The following GALNT7 variants were observed in gnomAD, a reference collection of about 807,000 sequenced individuals.
GALNT7 encodes N-acetylgalactosaminyltransferase 7.
Under a neutral mutation model 82.1 loss-of-function variants are expected in GALNT7, and 60 were observed. The observed-to-expected ratio is 0.73, with a 90% CI of 0.59 to 0.91. GALNT7 has a LOEUF of 0.91. GALNT7 is among the 40% of genes least tolerant of loss of function. GALNT7 has a pLI of 0.00. For missense variants in GALNT7, 660 were observed against 804.2 expected (o/e 0.82, Z 2.17); for synonymous variants, 243 against 275.1 (o/e 0.88, Z 1.15).
chr4:173,278,502 C>G (rs996472867), intron 2 of GALNT7, among the ~76,000 whole-genome samples: 1 of 152,078 alleles, frequency 6.6e-6, no homozygotes, highest in African/African-American at 2.4e-5. Context: ...TTATACACAA[C>G]AAATGACAAA....
chr4:173,242,355 ATC>A (rs1734466439), intron 1 of GALNT7, among the ~76,000 whole-genome samples: 2 of 152,206 alleles, frequency 1.3e-5, no homozygotes, highest in African/African-American at 4.8e-5. Flanking sequence ...AGCATGCTTC[ATC>A]CATTTTCAGT....
At chr4:173,255,380 C>T (rs1734999585) in intron 2 of GALNT7, among the ~76,000 whole-genome samples, 1 of 152,168 alleles carries the variant, frequency 6.6e-6, no homozygotes, top group Non-Finnish European at 1.5e-5. Flanking sequence ...TTCATTTCCC[C>T]TCTCTTCATC....
intron 6 of GALNT7, 95 bp from the exon 7 acceptor site, chr4:173,301,952 A>G (rs1736957250): frequency 1.5e-6 from 1 of 667,988 alleles, no homozygotes. Flanking sequence ...TCTTCTATGC[A>G]TTTTCAGGCT....
chr4:173,177,995 C>G (rs1327859435), intron 1 of GALNT7, among the ~76,000 whole-genome samples: 2 of 149,842 alleles, frequency 1.3e-5, no homozygotes, highest in African/African-American at 5.0e-5. Context: ...CCACCTCTCC[C>G]TATCCGCAAG....
At chr4:173,205,790 G>A (rs986248131) in intron 1 of GALNT7, among the ~76,000 whole-genome samples, 4 of 152,178 alleles carry the variant, frequency 2.6e-5, no homozygotes, top group Non-Finnish European at 5.9e-5. Context: ...GCCTGGTGCT[G>A]GGTGGCATGG....
At chr4:173,296,151 C>G (rs1052652498) in intron 5 of GALNT7, among the ~76,000 whole-genome samples, 8 of 152,172 alleles carry the variant, frequency 5.3e-5, no homozygotes, top group African/African-American at 1.9e-4. Flanking sequence ...TCCCTCTAAA[C>G]TGGGGTGAGA....
At chr4:173,175,693 T>C (rs531364934) in intron 1 of GALNT7, among the ~76,000 whole-genome samples, 1 of 152,352 alleles carries the variant, frequency 6.6e-6, no homozygotes, top group South Asian at 2.1e-4. Flanking sequence ...GGACTTAAGA[T>C]GTCTTATGAT....
chr4:173,171,815 A>T (rs1185571350), intron 1 of GALNT7, among the ~76,000 whole-genome samples: 2 of 152,264 alleles, frequency 1.3e-5, no homozygotes, highest in African/African-American at 4.8e-5. Flanking sequence ...CCTTAATCTC[A>T]TGGATCTTGT....
chr4:173,274,036 T>G (rs1015623006), intron 2 of GALNT7, among the ~76,000 whole-genome samples: 8 of 152,198 alleles, frequency 5.3e-5, no homozygotes, highest in African/African-American at 1.9e-4. Context: ...AGCTCATATT[T>G]GAAATGAGAG....
chr4:173,198,269 C>T (rs1193161639), intron 1 of GALNT7, among the ~76,000 whole-genome samples: 5 of 149,908 alleles, frequency 3.3e-5, no homozygotes, highest in East Asian at 2.0e-4. Flanking sequence ...GGAGTTTCAC[C>T]GTGTTAGCCA....
At chr4:173,169,723 C>G (rs1395755139) in intron 1 of GALNT7, 1 of 151,980 alleles carries the variant, frequency 6.6e-6, no homozygotes, top group African/African-American at 2.4e-5. Context: ...GCCTGCCCGC[C>G]GCCCCCAGCC....
At chr4:173,219,252 CACTT>C (rs1390985722) in intron 1 of GALNT7, among the ~76,000 whole-genome samples, 1 of 152,104 alleles carries the variant, frequency 6.6e-6, no homozygotes, top group Non-Finnish European at 1.5e-5. Context: ...TGAGTTACTT[CACTT>C]ACTTACCCTC....
intron 1 of GALNT7, among the ~76,000 whole-genome samples, chr4:173,231,827 T>G (rs1734039479): frequency 6.6e-6 from 1 of 152,076 alleles, no homozygotes; most frequent in South Asian, 2.1e-4. Context: ...GCACAGAATT[T>G]AGGAGAAAGG....
At chr4:173,186,622 C>G (rs1280778832) in intron 1 of GALNT7, among the ~76,000 whole-genome samples, 1 of 152,154 alleles carries the variant, frequency 6.6e-6, no homozygotes, top group African/African-American at 2.4e-5. Flanking sequence ...TACTTAAGTT[C>G]TGCAAACTTA....
chr4:173,277,222 C>G (rs796447261), intron 2 of GALNT7, among the ~76,000 whole-genome samples: 1 of 152,096 alleles, frequency 6.6e-6, no homozygotes, highest in African/African-American at 2.4e-5. Flanking sequence ...CGGGGTGGTG[C>G]GAGCTACTAG....
At chr4:173,244,675 A>G (rs1734556081) in intron 1 of GALNT7, among the ~76,000 whole-genome samples, 1 of 152,194 alleles carries the variant, frequency 6.6e-6, no homozygotes, top group Non-Finnish European at 1.5e-5. Context: ...TACCATCATC[A>G]CTATTATTCC....
chr4:173,207,822 G>A (rs1251847885), intron 1 of GALNT7, among the ~76,000 whole-genome samples: 1 of 152,164 alleles, frequency 6.6e-6, no homozygotes, highest in Non-Finnish European at 1.5e-5. Context: ...GGTTATGTAA[G>A]TTTACTCTTT....
At chr4:173,193,596 CT>C (rs1399197564) in intron 1 of GALNT7, among the ~76,000 whole-genome samples, 3 of 151,936 alleles carry the variant, frequency 2.0e-5, no homozygotes, top group Non-Finnish European at 2.9e-5. Context: ...TTTTGTTGAT[CT>C]TTTTTGACAA....
At chr4:173,321,393 C>G (rs1201499704) in intron 11 of GALNT7, among the ~76,000 whole-genome samples, 187 bp from the exon 12 acceptor site, 1 of 152,072 alleles carries the variant, frequency 6.6e-6, no homozygotes, top group East Asian at 1.9e-4. Flanking sequence ...GATCTTAGGA[C>G]TTAGAAAACT....
Sources: gnomAD v4.1 joint callset for allele counts (sites outside exome capture counted in the v4.1 genomes callset) on GRCh38, gnomAD v4.1.1 for gene constraint, MANE v1.5 for transcripts, NCBI Gene and HGNC (gene_info 2026-07-23, HGNC 2026-07-21) for gene names.